The following ZNF423 variants were observed in gnomAD, a reference collection of about 807,000 sequenced individuals.
ZNF423 encodes Ebf-associated zinc finger protein.
A neutral mutation model predicts 95.8 loss-of-function variants in ZNF423; 12 were observed. That is an observed-to-expected ratio of 0.13 (90% CI 0.08 to 0.20). ZNF423 has a LOEUF of 0.20. Ranked by LOEUF, ZNF423 falls within the 10% of genes least tolerant of loss-of-function variation. The pLI is 1.00. For synonymous variants in ZNF423, 749 were observed against 711.9 expected (o/e 1.05, Z -0.83); for missense variants, 1,316 against 1,737.1 (o/e 0.76, Z 4.31).
chr16:49,550,977 C>T (rs1294852817), intron 5 of ZNF423, among the ~76,000 whole-genome samples: 1 of 152,212 alleles, frequency 6.6e-6, no homozygotes, highest in Admixed American at 6.5e-5. Context: ...GCTGCTGGAC[C>T]GATGAAGAGA....
chr16:49,725,582 G>A (rs72780345), intron 3 of ZNF423, among the ~76,000 whole-genome samples: 2,535 of 152,212 alleles, frequency 0.017, 43 homozygotes, highest in Non-Finnish European at 0.021. Flanking sequence ...GAGAGAGATG[G>A]GTGAGAAACA....
rs185737756 is a variant in ZNF423, at chr16:49,487,827, A to T, written c.*3448T>A. 6.6e-6 allele frequency: 1 copy of T among 152,132 alleles called. No homozygotes were observed. The highest frequency in any genetic ancestry group is 6.5e-5 in the Admixed American group (1 of 15,292). The allele number at this position is 152,132 out of a possible 1,614,324, so 9.4% of individuals were successfully genotyped here. A position where few individuals can be genotyped will look rare whatever the true frequency, so the allele number is the denominator to read the frequency against. On this transcript the variant is annotated 3_prime_UTR_variant, in exon 8 of 8. Coordinates refer to ENST00000563137, the MANE Select transcript of ZNF423 (RefSeq NM_001379286.1). ...TGCTCTTGGACTGCCCACCTCCCTT[A>T]TTTCTTCAGGTCTCAAGCCCCTGCC... is the stretch of plus-strand genomic sequence containing the variant.
intron 5 of ZNF423, among the ~76,000 whole-genome samples, chr16:49,560,563 C>T (rs1969982268): frequency 6.6e-6 from 1 of 152,182 alleles, no homozygotes; most frequent in Admixed American, 6.5e-5. Context: ...TTCGATTGGT[C>T]TGGGCTTCGT....
At chr16:49,539,929 TC>T (rs1969191169) in intron 5 of ZNF423, among the ~76,000 whole-genome samples, 1 of 152,190 alleles carries the variant, frequency 6.6e-6, no homozygotes, top group Non-Finnish European at 1.5e-5. Context: ...GCCAGAGCTG[TC>T]TGTCCTGCCT....
intron 5 of ZNF423, among the ~76,000 whole-genome samples, chr16:49,565,423 G>C (rs1970157442): frequency 1.3e-5 from 2 of 152,176 alleles, no homozygotes; most frequent in Non-Finnish European, 2.9e-5. Flanking sequence ...TTCTTCAAAA[G>C]CTCAAGCCTG....
At chr16:49,518,502 T>C in intron 7 of ZNF423, 2 of 437,884 alleles carry the variant, frequency 4.6e-6, no homozygotes, top group South Asian at 3.3e-5. Flanking sequence ...CATTCTCCTT[T>C]AAAGCAATAT....
intron 2 of ZNF423, among the ~76,000 whole-genome samples, chr16:49,764,947 C>T (rs988824346): frequency 2.7e-5 from 4 of 148,234 alleles, no homozygotes; most frequent in Admixed American, 2.0e-4. Flanking sequence ...TTAGTAGAGA[C>T]GCGGTTTCAC....
rs1555512444 is a variant in ZNF423, at chr16:49,615,127, ATC to A, written c.3601+11041_3601+11042del. On this transcript the variant is annotated intron_variant, in intron 5 of 7. Transcript: ENST00000563137. ...GCCTGGGCAACAAGAAAGAAACTCC[ATC>A]TCACACACACACACACACACACACA... Among the ~76,000 whole-genome samples, 16 of 99,600 alleles carry A rather than the reference ATC, an allele frequency of 1.6e-4. 2 individuals carry two copies. Among genetic ancestry groups the A allele is most frequent in the Admixed American group, 4.3e-4 (4 of 9,198 alleles). The allele number at this position is 99,600 out of a possible 152,430, so 65.3% of individuals were successfully genotyped here.
intron 5 of ZNF423, among the ~76,000 whole-genome samples, chr16:49,540,410 G>T (rs1474017999): frequency 6.6e-6 from 1 of 152,028 alleles, no homozygotes; most frequent in Non-Finnish European, 1.5e-5. Flanking sequence ...GAGCAGCTGG[G>T]ACCACAGGCA....
chr16:49,683,041 G>A (rs545495654), intron 3 of ZNF423, among the ~76,000 whole-genome samples: 21 of 152,202 alleles, frequency 1.4e-4, no homozygotes, highest in Admixed American at 1.2e-3. Flanking sequence ...AGGCTGCAGA[G>A]CTGCAGTGCC....
In ZNF423 at chr16:49,587,416, AG is replaced by A. The variant is rs776351566; in HGVS notation, c.3601+38753del. Among the ~76,000 whole-genome samples, 8 of 152,180 alleles carry A rather than the reference AG, an allele frequency of 5.3e-5. No individual in the cohort carries two copies. In the East Asian group the frequency reaches 7.7e-4, roughly 15 times the overall value. On this transcript the variant is annotated intron_variant, in intron 5 of 7. Coordinates refer to ENST00000563137, the MANE Select transcript of ZNF423 (RefSeq NM_001379286.1). ...CAGAGCTGGGGCTTGGCAGGTGGGA[AG>A]AGTGAGGCTATGAACATCGGGGGTC...
rs554036560 is a variant in ZNF423 at position 49,491,006 on chromosome 16, C to CT, written c.*268dup. ...CAATAGCCTTAAAAAGCAGGTTTCTCTAACTCTAGAAATGTAGTCTGCGGC... is the reference window on the plus strand; with the variant it reads ...CAATAGCCTTAAAAAGCAGGTTTCTCTTAACTCTAGAAATGTAGTCTGCGGC... On this transcript the variant is annotated 3_prime_UTR_variant, in exon 8 of 8. Coordinates refer to ENST00000563137, the MANE Select transcript of ZNF423 (RefSeq NM_001379286.1). 2.5e-3 allele frequency: 1,197 copies of CT among 477,374 alleles called. 4 individuals carry two copies. The highest frequency in any genetic ancestry group is 4.8e-3 in the Admixed American group (146 of 30,470). 29.6% of individuals were successfully genotyped at this position (477,374 alleles called of 1,614,324 possible).
intron 5 of ZNF423, among the ~76,000 whole-genome samples, chr16:49,572,869 C>A (rs1456260716): frequency 6.6e-6 from 1 of 152,180 alleles, no homozygotes; most frequent in Non-Finnish European, 1.5e-5. Flanking sequence ...TTGTCATAAT[C>A]CTGGCTCAAT....
chr16:49,772,665 G>C (rs556935169), intron 2 of ZNF423, among the ~76,000 whole-genome samples: 1 of 152,222 alleles, frequency 6.6e-6, no homozygotes, highest in East Asian at 1.9e-4. Context: ...GCTGTGGCTT[G>C]AGATACATCC....
chr16:49,739,068 G>T lies in ZNF423; in HGVS notation c.101-8097C>A, dbSNP rs147247070. ...GAGAAAAAACAGAAAAGAATCACAG[G>T]CTCTGAAGCCAGCCTGTCTGGGTTC... On this transcript the variant is annotated intron_variant, in intron 2 of 7. Coordinates refer to ENST00000563137, the MANE Select transcript of ZNF423 (RefSeq NM_001379286.1). Among the ~76,000 whole-genome samples, 20 of 152,154 alleles carry T rather than the reference G, an allele frequency of 1.3e-4. No individual in the cohort carries two copies. In the East Asian group the frequency reaches 3.9e-3, roughly 30 times the overall value.
chr16:49,844,389 T>A (rs1029962532), intron 1 of ZNF423, among the ~76,000 whole-genome samples: 1 of 152,164 alleles, frequency 6.6e-6, no homozygotes, highest in African/African-American at 2.4e-5. Flanking sequence ...CACAAAGCCC[T>A]CGATAAACAG....
intron 7 of ZNF423, among the ~76,000 whole-genome samples, chr16:49,516,477 G>T (rs145908998): frequency 2.0e-5 from 3 of 152,286 alleles, no homozygotes; most frequent in African/African-American, 7.2e-5. Flanking sequence ...TCTTAAGTAG[G>T]AACTACTCAC....
At chr16:49,724,350 A>G (rs2032948838) in intron 3 of ZNF423, among the ~76,000 whole-genome samples, 1 of 152,204 alleles carries the variant, frequency 6.6e-6, no homozygotes, top group Non-Finnish European at 1.5e-5. Flanking sequence ...GGGGGCGGAT[A>G]TCAATTGTGC....
chr16:49,736,765 A>G (rs1056025864), intron 2 of ZNF423, among the ~76,000 whole-genome samples: 8 of 152,218 alleles, frequency 5.3e-5, no homozygotes, highest in Non-Finnish European at 1.0e-4. Flanking sequence ...ACTGCACTCC[A>G]GCCTGGATAA....
Sources: allele counts gnomAD v4.1 joint callset (sites outside exome capture counted in the v4.1 genomes callset), GRCh38; gene constraint gnomAD v4.1.1; transcripts MANE v1.5; gene names NCBI Gene and HGNC (gene_info 2026-07-23, HGNC 2026-07-21).